Variants in INPP5D observed in about 807,000 individuals in gnomAD.
The protein encoded by INPP5D is phosphatidylinositol 3,4,5-trisphosphate 5-phosphatase 1.
A neutral mutation model predicts 122.9 loss-of-function variants in INPP5D; 33 were observed. The ratio of observed to expected loss-of-function variants is 0.27; its 90% CI spans 0.20 to 0.36. INPP5D has a LOEUF of 0.36. INPP5D is among the 10% of genes least tolerant of loss of function. The probability of loss-of-function intolerance (pLI) is 1.00; values close to 1 mark genes in which losing one functional copy is unlikely to be tolerated. For missense variants in INPP5D, 1,053 were observed against 1,412.7 expected (o/e 0.75, Z 4.08); for synonymous variants, 584 against 576.2 (o/e 1.01, Z -0.19).
Position 233,137,352 on chromosome 2 carries a change from T to A in INPP5D, c.666-2490T>A, listed in dbSNP as rs182277546. On this transcript the variant is annotated intron_variant, in intron 5 of 26. Transcript: ENST00000445964. ...CATCTCTAATTTTTAAAAATCATTT[T>A]TAAAAAAAAGGAATAGAAGGATACT... Among the ~76,000 whole-genome samples, 1,307 of 151,392 alleles carry A rather than the reference T, an allele frequency of 8.6e-3. 8 individuals are homozygous for A. Among genetic ancestry groups the A allele is most frequent in the Non-Finnish European group, 0.014 (973 of 67,854 alleles).
Position 233,189,260 on chromosome 2 carries a change from C to T in INPP5D, c.2359-590C>T, listed in dbSNP as rs1022948260. 1.2e-4 allele frequency among the ~76,000 whole-genome samples: 18 copies of T among 152,222 alleles called. No homozygotes were observed. The highest frequency in any genetic ancestry group is 3.9e-4 in the African/African-American group (16 of 41,458). On this transcript the variant is annotated intron_variant, in intron 21 of 26. Transcript: ENST00000445964. The surrounding 1 kb of genome is among the most constrained non-coding windows in gnomAD (Gnocchi z 5.6). ...AATGTGGGAGCCTGTGTCTGTCATT[C>T]GCTGAGCCACACCCCCAACAATCGG... is the stretch of plus-strand genomic sequence containing the variant.
intron 2 of INPP5D, among the ~76,000 whole-genome samples, chr2:233,112,396 G>A (rs946668280): frequency 2.0e-5 from 3 of 152,162 alleles, no homozygotes; most frequent in Non-Finnish European, 4.4e-5. Flanking sequence ...TCCTGTATCT[G>A]TTTGACAAAT....
Position 233,184,435 on chromosome 2 carries a change from A to G in INPP5D, c.2189A>G (p.Gln730Arg), listed in dbSNP as rs1559340074. ...NGPGTVDSQG[Q>R]IEFLRCYATL... ...CCCGGGACTGTTGACAGCCAAGGAC[A>G]GATTGAGTTTCTCAGGTGCTATGCC... Residue 730 changes from glutamine (Q) to arginine (R), a missense_variant, in exon 20 of 27, where the codon CAG (glutamine) becomes CGG (arginine). Coordinates refer to ENST00000445964, the MANE Select transcript of INPP5D (RefSeq NM_001017915.3). The G allele has an allele frequency of 6.2e-7, 1 of 1,614,074 alleles. No homozygotes were observed. The highest frequency in any genetic ancestry group is 8.5e-7 in the Non-Finnish European group (1 of 1,179,902).
chr2:233,119,459 G>A (rs569131669), intron 2 of INPP5D, among the ~76,000 whole-genome samples: 1 of 152,096 alleles, frequency 6.6e-6, no homozygotes, highest in Non-Finnish European at 1.5e-5. Flanking sequence ...CTTTTTAGAG[G>A]CCTGGCTGCT....
intron 1 of INPP5D, among the ~76,000 whole-genome samples, chr2:233,074,123 C>T (rs549080413): frequency 2.6e-5 from 4 of 152,080 alleles, no homozygotes; most frequent in African/African-American, 7.2e-5. Context: ...AAAGAACTGT[C>T]GAGAACAATT....
rs767471208 is a variant in INPP5D, at chr2:233,204,727, G to A, written c.3567+10G>A. 195 of 1,487,236 alleles carry A rather than the reference G, an allele frequency of 1.3e-4. 1 individual carries two copies. The highest frequency in any genetic ancestry group is 5.5e-4 in the Admixed American group (24 of 43,966). 92.1% of individuals were successfully genotyped at this position (1,487,236 alleles called of 1,614,324 possible). On this transcript the variant is annotated intron_variant, in intron 26 of 26. Transcript: ENST00000445964. Reference sequence around the variant, plus strand: ...CAGGACTGCCATGCAGGTGCGCTGCGCCACACGTGGGTTCGTGTGCATTTG... The same window carrying A: ...CAGGACTGCCATGCAGGTGCGCTGCACCACACGTGGGTTCGTGTGCATTTG...
chr2:233,137,643 A>G (rs1693500972), intron 5 of INPP5D, among the ~76,000 whole-genome samples: 2 of 149,538 alleles, frequency 1.3e-5, no homozygotes, highest in African/African-American at 2.5e-5. Context: ...TTTAGTAGAG[A>G]TGAGGTTTCA....
chr2:233,203,933 C>T (rs1444330456), intron 25 of INPP5D, among the ~76,000 whole-genome samples, 193 bp from the exon 26 acceptor site: 1 of 152,068 alleles, frequency 6.6e-6, no homozygotes, highest in Non-Finnish European at 1.5e-5. Context: ...GGTGACAGAG[C>T]GAGACTCTGT....
chr2:233,126,034 G>A (rs574118320), intron 4 of INPP5D, 115 bp downstream of exon 4: 6 of 1,030,168 alleles, frequency 5.8e-6, no homozygotes, highest in Non-Finnish European at 8.4e-6. Context: ...GAGGGAGATG[G>A]GGAGGTCTCC....
intron 1 of INPP5D, among the ~76,000 whole-genome samples, chr2:233,077,427 G>A (rs888263311): frequency 4.6e-5 from 7 of 152,096 alleles, no homozygotes; most frequent in African/African-American, 1.4e-4. Context: ...TTGGGAGGCC[G>A]AGGTGGGTGG....
chr2:233,123,726 A>G (rs1348798363), intron 3 of INPP5D, among the ~76,000 whole-genome samples: 1 of 152,268 alleles, frequency 6.6e-6, no homozygotes, highest in Non-Finnish European at 1.5e-5. Context: ...CTAAATGCCC[A>G]TCAGTGATGA....
chr2:233,206,377 CG>C lies in INPP5D; in HGVS notation c.3568-328del, dbSNP rs1695505135. Among the ~76,000 whole-genome samples the C allele has an allele frequency of 6.6e-6, 1 of 151,298 alleles. No individual in the cohort carries two copies. The highest frequency in any genetic ancestry group is 2.1e-4 in the South Asian group (1 of 4,808). On this transcript the variant is annotated intron_variant, in intron 26 of 26. Coordinates refer to ENST00000445964, the MANE Select transcript of INPP5D (RefSeq NM_001017915.3). This position sits in a 1 kb window ranked among gnomAD's most constrained non-coding sequence, Gnocchi z 4.0. Reference sequence around the variant, plus strand: ...ATATATTTTATATATATATATGGTACGTACCTGGGTGTGGTGCCATGCACCT... The same window carrying C: ...ATATATTTTATATATATATATGGTACTACCTGGGTGTGGTGCCATGCACCT...
At chr2:233,065,369 G>C (rs1691185133) in intron 1 of INPP5D, among the ~76,000 whole-genome samples, 1 of 138,570 alleles carries the variant, frequency 7.2e-6, no homozygotes, top group Non-Finnish European at 1.5e-5. Flanking sequence ...GTGCAGTGGT[G>C]CAATCTTGGT....
chr2:233,182,399 C>G lies in INPP5D; in HGVS notation c.2072-11C>G. 6.2e-7 allele frequency: 1 copy of G among 1,613,368 alleles called. No homozygotes were observed. The highest frequency in any genetic ancestry group is 1.7e-5 in the Admixed American group (1 of 59,998). Reference sequence around the variant, plus strand: ...CCTTCCCTGCTTAAAAATGCCTTCCCTCCCCTGCAGGCAGTACCAGCGACA... The same window carrying G: ...CCTTCCCTGCTTAAAAATGCCTTCCGTCCCCTGCAGGCAGTACCAGCGACA... On this transcript the variant is annotated splice_polypyrimidine_tract_variant and intron_variant, in intron 18 of 26. Transcript: ENST00000445964.
chr2:233,071,769 G>A (rs372157891), intron 1 of INPP5D, among the ~76,000 whole-genome samples: 1 of 152,028 alleles, frequency 6.6e-6, no homozygotes, highest in Admixed American at 6.5e-5. Flanking sequence ...TATTACTATT[G>A]TGAATACATT....
At position 233,205,030 on chromosome 2, in the gene INPP5D, G is replaced by A. The variant is rs184419431; in HGVS notation, c.3567+313G>A. On this transcript the variant is annotated intron_variant, in intron 26 of 26. Coordinates refer to ENST00000445964, the MANE Select transcript of INPP5D (RefSeq NM_001017915.3). The stretch of plus-strand genomic sequence containing the variant: ...ACTTAGTCTAGTGTCAGTCCCAGAG[G>A]AAGAAGATTCCATAAAGAAAAGGAG... 5.8e-5 allele frequency: 20 copies of A among 345,960 alleles called. No individual in the cohort carries two copies. The Admixed American group carries it at 8.0e-4, about 14-fold the overall frequency. The allele number at this position is 345,960 out of a possible 1,614,324, so 21.4% of individuals were successfully genotyped here.
chr2:233,204,926 C>A, intron 26 of INPP5D: 1 of 776,312 alleles, frequency 1.3e-6, no homozygotes, highest in Non-Finnish European at 1.9e-6. Flanking sequence ...GAACCCAGGT[C>A]TGCCTGTCCC....
At chr2:233,200,210 C>A (rs1045225556) in intron 25 of INPP5D, among the ~76,000 whole-genome samples, 1 of 152,258 alleles carries the variant, frequency 6.6e-6, no homozygotes, top group Non-Finnish European at 1.5e-5. Context: ...AGGGTCAGCA[C>A]TTCCCAAAGG....
rs1694288515 is a variant in INPP5D at position 233,164,889 on chromosome 2, G to C, written c.1555+465G>C. ...AAAGCAGCCATAGGCAACCCAGAAA[G>C]CGAATGGGAGTGACTGTGTTACCAG... On this transcript the variant is annotated intron_variant, in intron 13 of 26. Coordinates refer to ENST00000445964, the MANE Select transcript of INPP5D (RefSeq NM_001017915.3). The surrounding 1 kb of genome is among the most constrained non-coding windows in gnomAD (Gnocchi z 4.3). Among the ~76,000 whole-genome samples, 1 of 148,236 alleles carries C rather than the reference G, an allele frequency of 6.7e-6. No individual in the cohort carries two copies. The highest frequency in any genetic ancestry group is 2.5e-5 in the African/African-American group (1 of 40,264).
Sources: gnomAD v4.1 joint callset for allele counts (sites outside exome capture counted in the v4.1 genomes callset) on GRCh38, gnomAD v4.1.1 for gene constraint, Gnocchi (gnomAD v3.1) non-coding constraint, MANE v1.5 for transcripts, NCBI Gene and HGNC (gene_info 2026-07-23, HGNC 2026-07-21) for gene names.